Variants in MYT1L observed in about 807,000 individuals in gnomAD.
MYT1L encodes the protein myelin transcription factor 1-like protein.
A neutral mutation model predicts 126.7 loss-of-function variants in MYT1L; 12 were observed. The ratio of observed to expected loss-of-function variants is 0.09; its 90% confidence interval spans 0.06 to 0.15. The LOEUF is 0.15. MYT1L is among the 10% of genes least tolerant of loss of function. MYT1L has a pLI of 1.00. For missense variants in MYT1L, 979 were observed against 1,585.2 expected (o/e 0.62, Z 6.49); for synonymous variants, 541 against 604.2 (o/e 0.90, Z 1.53).
intron 2 of MYT1L, among the ~76,000 whole-genome samples, chr2:2,206,924 T>C (rs1013087200): frequency 4.6e-5 from 7 of 152,210 alleles, no homozygotes; most frequent in South Asian, 4.1e-4. Context: ...GCAAGAAGGC[T>C]GCATTGTAGG....
At chr2:2,267,531 A>G (rs990559109) in intron 2 of MYT1L, among the ~76,000 whole-genome samples, 1 of 152,168 alleles carries the variant, frequency 6.6e-6, no homozygotes, top group Admixed American at 6.5e-5. Context: ...AAAGGAATGG[A>G]CAGAAAAAAA....
intron 18 of MYT1L, among the ~76,000 whole-genome samples, chr2:1,862,736 G>A (rs778191292): frequency 8.5e-5 from 13 of 152,184 alleles, no homozygotes; most frequent in Non-Finnish European, 1.2e-4. Context: ...AGAGAGAGAG[G>A]TTGGAGCACC....
intron 2 of MYT1L, among the ~76,000 whole-genome samples, chr2:2,227,214 A>G (rs767668244): frequency 4.6e-5 from 7 of 152,032 alleles, no homozygotes; most frequent in Admixed American, 2.6e-4. Context: ...CTGTCTGTTC[A>G]TTCTTTGTTG....
chr2:1,990,146 G>A (rs916149247), intron 5 of MYT1L, among the ~76,000 whole-genome samples: 11 of 152,230 alleles, frequency 7.2e-5, no homozygotes, highest in African/African-American at 1.9e-4. Context: ...CAGGATAAAC[G>A]GTGTGGTCAA....
chr2:2,223,450 A>T (rs2093931215), intron 2 of MYT1L, among the ~76,000 whole-genome samples: 1 of 152,204 alleles, frequency 6.6e-6, no homozygotes, highest in African/African-American at 2.4e-5. Context: ...AGATTTATAG[A>T]CTTCTTAATC....
chr2:2,032,991 C>CA (rs1467459361), intron 4 of MYT1L, among the ~76,000 whole-genome samples: 2 of 134,760 alleles, frequency 1.5e-5, no homozygotes, highest in African/African-American at 5.7e-5. Flanking sequence ...GCCTTATACA[C>CA]ACCCCCTCGC....
chr2:1,989,069 G>A (rs1277846366), intron 5 of MYT1L, among the ~76,000 whole-genome samples: 2 of 151,858 alleles, frequency 1.3e-5, no homozygotes, highest in African/African-American at 4.8e-5. Context: ...TGGTACTTTG[G>A]CCCCAGAGTA....
At chr2:2,291,405 G>C (rs185857155) in intron 1 of MYT1L, among the ~76,000 whole-genome samples, 20 of 152,320 alleles carry the variant, frequency 1.3e-4, no homozygotes, top group Admixed American at 8.5e-4. Context: ...GCCTGCCCAT[G>C]ACTTCAGAAG....
intron 21 of MYT1L, among the ~76,000 whole-genome samples, chr2:1,813,959 G>A (rs1463348994): frequency 5.1e-5 from 7 of 137,946 alleles, no homozygotes; most frequent in African/African-American, 1.3e-4. Context: ...CCCGGGAGGC[G>A]GAGCTTGCAG....
chr2:1,941,639 G>T (rs191753758), intron 9 of MYT1L, among the ~76,000 whole-genome samples: 37 of 152,134 alleles, frequency 2.4e-4, no homozygotes, highest in Admixed American at 5.2e-4. Flanking sequence ...AAAAAATCTT[G>T]GGAGACTAAT....
intron 4 of MYT1L, among the ~76,000 whole-genome samples, chr2:2,030,697 A>G (rs1015248937): frequency 6.6e-6 from 1 of 152,200 alleles, no homozygotes; most frequent in Non-Finnish European, 1.5e-5. Flanking sequence ...GTTTTCTTCA[A>G]TAGTTTCCTG....
At chr2:2,293,155 C>T (rs989879707) in intron 1 of MYT1L, among the ~76,000 whole-genome samples, 2 of 152,168 alleles carry the variant, frequency 1.3e-5, no homozygotes, top group South Asian at 2.1e-4. Context: ...TCAAAACTGT[C>T]GTTGACATCA....
chr2:2,042,891 C>G (rs1047103189), intron 4 of MYT1L, among the ~76,000 whole-genome samples: 2 of 152,218 alleles, frequency 1.3e-5, no homozygotes, highest in Non-Finnish European at 1.5e-5. Flanking sequence ...TGCCCTTCCC[C>G]CCTGCTCTTC....
chr2:2,232,904 T>C (rs1055855497), intron 2 of MYT1L, among the ~76,000 whole-genome samples: 4 of 152,136 alleles, frequency 2.6e-5, no homozygotes, highest in African/African-American at 9.7e-5. Context: ...TGGGTTGATA[T>C]TTCCACCTAA....
At chr2:1,880,315 G>A (rs1360332411) in intron 18 of MYT1L, among the ~76,000 whole-genome samples, 2 of 152,198 alleles carry the variant, frequency 1.3e-5, no homozygotes, top group African/African-American at 2.4e-5. Context: ...AATGAATGAG[G>A]TAAGGTAAGA....
At chr2:2,304,997 A>C (rs951908118) in intron 1 of MYT1L, among the ~76,000 whole-genome samples, 12 of 152,240 alleles carry the variant, frequency 7.9e-5, no homozygotes, top group Non-Finnish European at 1.2e-4. Flanking sequence ...GCATAGAAGT[A>C]TAAGATATCT....
rs904768645 is a variant in MYT1L at position 2,054,006 on chromosome 2, G to A, written c.-186C>T. 1.3e-5 allele frequency: 2 copies of A among 152,626 alleles called. No individual in the cohort carries two copies. The highest frequency in any genetic ancestry group is 2.9e-5 in the Non-Finnish European group (2 of 68,040). The allele number at this position is 152,626 out of a possible 1,614,324, so 9.5% of individuals were successfully genotyped here. A position where few individuals can be genotyped will look rare whatever the true frequency, so the allele number is the denominator to read the frequency against. Reference sequence around the variant, plus strand: ...TAGGTGGCTCCTCGGATATCCATACGTCTGTGAGACCAACTGGAACCTTTC... The same window carrying A: ...TAGGTGGCTCCTCGGATATCCATACATCTGTGAGACCAACTGGAACCTTTC... On this transcript the variant is annotated 5_prime_UTR_variant, in exon 4 of 25. The change creates a new upstream start codon in the 5' untranslated region. Coordinates refer to ENST00000647738, the MANE Select transcript of MYT1L (RefSeq NM_001303052.2).
intron 3 of MYT1L, among the ~76,000 whole-genome samples, chr2:2,076,879 T>A (rs2075289038): frequency 6.6e-6 from 1 of 152,160 alleles, no homozygotes; most frequent in Non-Finnish European, 1.5e-5. Context: ...TGGGACTTGG[T>A]GAAGACTTTA....
chr2:2,059,357 G>A lies in MYT1L; in HGVS notation c.-303-5234C>T, dbSNP rs564938569. Reference sequence around the variant, plus strand: ...TGCAACACAAAACATGCAGGGCACCGCAGTAAGCACCCGACGGTCTCGTGG... The same window carrying A: ...TGCAACACAAAACATGCAGGGCACCACAGTAAGCACCCGACGGTCTCGTGG... On this transcript the variant is annotated intron_variant, in intron 3 of 24. Coordinates refer to ENST00000647738, the MANE Select transcript of MYT1L (RefSeq NM_001303052.2). This position sits in a 1 kb window ranked among gnomAD's most constrained non-coding sequence, Gnocchi z 4.7. Among the ~76,000 whole-genome samples, 2 of 152,250 alleles carry A rather than the reference G, an allele frequency of 1.3e-5. No homozygotes were observed. Among genetic ancestry groups the A allele is most frequent in the African/African-American group, 2.4e-5 (1 of 41,534 alleles).
Sources: gnomAD v4.1 joint callset for allele counts (sites outside exome capture counted in the v4.1 genomes callset) on GRCh38, gnomAD v4.1.1 for gene constraint, Gnocchi (gnomAD v3.1) non-coding constraint, MANE v1.5 for transcripts, NCBI Gene and HGNC (gene_info 2026-07-23, HGNC 2026-07-21) for gene names.